The following DAB1 variants were observed in gnomAD, a reference collection of about 807,000 sequenced individuals.
DAB1 encodes DAB adaptor protein 1.
Under a neutral mutation model 64.6 loss-of-function variants are expected in DAB1, and 15 were observed. That is an observed-to-expected ratio of 0.23 (90% CI 0.16 to 0.36). DAB1 has a LOEUF of 0.36. Among genes scored for constraint, DAB1 ranks in the 10% least tolerant of loss-of-function variants. DAB1 has a pLI of 1.00. For synonymous variants in DAB1, 235 were observed against 251.9 expected (o/e 0.93, Z 0.64); for missense variants, 596 against 706.7 (o/e 0.84, Z 1.78).
intron 4 of DAB1, among the ~76,000 whole-genome samples, chr1:57,096,789 C>T (rs1654208339): frequency 6.6e-6 from 1 of 152,148 alleles, no homozygotes; most frequent in African/African-American, 2.4e-5. Context: ...TATCCACATG[C>T]CTAGAGTACT....
chr1:58,406,226 C>A (rs966530433), intron 3 of DAB1, among the ~76,000 whole-genome samples: 7 of 152,154 alleles, frequency 4.6e-5, no homozygotes, highest in African/African-American at 1.7e-4. Context: ...TTCTCAGCTC[C>A]CCACTCTGTG....
chr1:57,365,383 AT>A (rs1315002861), intron 1 of DAB1, among the ~76,000 whole-genome samples: 1 of 144,666 alleles, frequency 6.9e-6, no homozygotes, highest in African/African-American at 2.5e-5. Flanking sequence ...ATTTATATGT[AT>A]TACATATAAA....
Position 57,185,777 on chromosome 1 carries a change from G to A in DAB1, c.68-40348C>T, listed in dbSNP as rs116550265. 6.9e-3 allele frequency among the ~76,000 whole-genome samples: 1,054 copies of A among 152,116 alleles called. 5 individuals carry two copies. Among genetic ancestry groups the A allele is most frequent in the African/African-American group, 0.024 (1,015 of 41,500 alleles). On this transcript the variant is annotated intron_variant, in intron 2 of 14. Coordinates refer to ENST00000371236, the MANE Select transcript of DAB1 (RefSeq NM_001365792.1). The stretch of plus-strand genomic sequence containing the variant: ...TTTGTTTTTGGTCTTTTTTTCCAGA[G>A]AGTGAGGTAAGTTTTCCAGTGTCTG...
In DAB1 at chr1:58,417,369, C is replaced by T. The variant is rs116404294; in HGVS notation, n.258-73966G>A. On this transcript the variant is annotated intron_variant and non_coding_transcript_variant, in intron 3 of 20. Transcript: ENST00000485760. ...AAAGGTGGCCCCTGCCTCTTGGATGCCTGGTCTGTTATGCTTTTCTGTCAT... is the reference window on the plus strand; with the variant it reads ...AAAGGTGGCCCCTGCCTCTTGGATGTCTGGTCTGTTATGCTTTTCTGTCAT... Among the ~76,000 whole-genome samples, 874 of 152,352 alleles carry T rather than the reference C, an allele frequency of 5.7e-3. 7 individuals are homozygous for T. Among genetic ancestry groups the T allele is most frequent in the African/African-American group, 0.02 (836 of 41,588 alleles).
chr1:57,707,017 T>G (rs554353713), intron 6 of DAB1, among the ~76,000 whole-genome samples: 14 of 152,110 alleles, frequency 9.2e-5, no homozygotes, highest in African/African-American at 3.4e-4. Context: ...GAGGTTGCAG[T>G]GAGCCGAGAT....
At chr1:57,468,689 G>GA (rs972936541) in intron 7 of DAB1, among the ~76,000 whole-genome samples, 3 of 151,786 alleles carry the variant, frequency 2.0e-5, no homozygotes, top group African/African-American at 7.3e-5. Context: ...AGCCATCCAA[G>GA]AAAAAAAATT....
chr1:57,212,849 C>A (rs1666132943), intron 2 of DAB1, among the ~76,000 whole-genome samples: 1 of 152,188 alleles, frequency 6.6e-6, no homozygotes, highest in Non-Finnish European at 1.5e-5. Context: ...AGAGTTTGGA[C>A]TCAAGGCTGG....
chr1:58,120,356 T>G (rs1467875100), intron 5 of DAB1, among the ~76,000 whole-genome samples: 1 of 152,132 alleles, frequency 6.6e-6, no homozygotes, highest in East Asian at 1.9e-4. Flanking sequence ...TGTATACAAA[T>G]GTAGTCATCA....
chr1:57,159,133 T>C (rs1268544208), intron 2 of DAB1, among the ~76,000 whole-genome samples: 1 of 152,158 alleles, frequency 6.6e-6, no homozygotes, highest in Non-Finnish European at 1.5e-5. Flanking sequence ...TTGGTCCTTT[T>C]TGCATTTCTC....
chr1:57,847,749 A>T (rs1298217726), intron 1 of DAB1, among the ~76,000 whole-genome samples: 1 of 152,186 alleles, frequency 6.6e-6, no homozygotes, highest in Non-Finnish European at 1.5e-5. Context: ...ATGTAAAGAG[A>T]TCATGATAGA....
At chr1:57,490,658 C>T (rs564437876) in intron 7 of DAB1, among the ~76,000 whole-genome samples, 2 of 152,170 alleles carry the variant, frequency 1.3e-5, no homozygotes, top group South Asian at 2.1e-4. Context: ...CTACAGAACT[C>T]ACAAAGTTTC....
intron 5 of DAB1, among the ~76,000 whole-genome samples, chr1:58,069,206 C>A (rs1055844456): frequency 6.6e-6 from 1 of 152,176 alleles, no homozygotes; most frequent in African/African-American, 2.4e-5. Context: ...ATCCAACATG[C>A]GTTTGTTGAG....
At chr1:57,538,153 G>A (rs1304858493) in intron 7 of DAB1, among the ~76,000 whole-genome samples, 2 of 152,098 alleles carry the variant, frequency 1.3e-5, no homozygotes, top group African/African-American at 4.8e-5. Context: ...AGTGACCTAA[G>A]GCTTATGGCT....
At chr1:58,435,904 C>A (rs960007196) in intron 3 of DAB1, among the ~76,000 whole-genome samples, 13 of 152,282 alleles carry the variant, frequency 8.5e-5, no homozygotes, top group Middle Eastern at 3.4e-3. Context: ...GCAGAGAAAC[C>A]ACAGTCTGTA....
At chr1:58,144,425 C>G (rs1654475502) in intron 5 of DAB1, among the ~76,000 whole-genome samples, 1 of 152,152 alleles carries the variant, frequency 6.6e-6, no homozygotes, top group Non-Finnish European at 1.5e-5. Flanking sequence ...TTAGAAAATG[C>G]TTTTTACATC....
chr1:57,683,036 C>T (rs2101700663), intron 6 of DAB1, among the ~76,000 whole-genome samples: 1 of 152,302 alleles, frequency 6.6e-6, no homozygotes, highest in African/African-American at 2.4e-5. Flanking sequence ...GATCCCCAAG[C>T]ACAGAGAGAG....
intron 2 of DAB1, among the ~76,000 whole-genome samples, chr1:57,172,635 G>A (rs1184272116): frequency 1.3e-5 from 2 of 152,116 alleles, no homozygotes; most frequent in African/African-American, 2.4e-5. Flanking sequence ...GAGGGCCAGC[G>A]TGTTCAGAGA....
chr1:57,135,176 G>C (rs1011934149), intron 4 of DAB1, among the ~76,000 whole-genome samples: 1 of 151,930 alleles, frequency 6.6e-6, no homozygotes, highest in African/African-American at 2.4e-5. Flanking sequence ...TCACATTTTT[G>C]TGCAACCAAA....
chr1:58,282,605 T>TAAAAA (rs10641105), intron 4 of DAB1, among the ~76,000 whole-genome samples: 1 of 147,906 alleles, frequency 6.8e-6, no homozygotes, highest in Non-Finnish European at 1.5e-5. Context: ...GCCTTTGTTC[T>TAAAAA]AAAAAAAAAA....
Sources: allele counts gnomAD v4.1 joint callset (sites outside exome capture counted in the v4.1 genomes callset), GRCh38; gene constraint gnomAD v4.1.1; transcripts MANE v1.5; gene names NCBI Gene and HGNC (gene_info 2026-07-23, HGNC 2026-07-21).